FHIT: variants seen among roughly 807,000 people sequenced by gnomAD.
FHIT encodes bis(5'-adenosyl)-triphosphatase.
In FHIT, 19 loss-of-function variants were observed where a neutral mutation model predicts 17.9. That is an observed-to-expected ratio of 1.06 (90% CI 0.74 to 1.56). FHIT has a LOEUF of 1.56. Among genes scored for constraint, FHIT ranks in the 40% most tolerant of loss-of-function variants. FHIT has a pLI of 0.00. For synonymous variants in FHIT, 81 were observed against 69.7 expected (o/e 1.16, Z -0.81); for missense variants, 248 against 189.2 (o/e 1.31, Z -1.82).
At chr3:60,477,257 T>C (rs1467374068) in intron 5 of FHIT, among the ~76,000 whole-genome samples, 3 of 152,134 alleles carry the variant, frequency 2.0e-5, no homozygotes, top group African/African-American at 7.2e-5. Flanking sequence ...AATCTTTTTA[T>C]ACATAACCTT....
intron 4 of FHIT, among the ~76,000 whole-genome samples, chr3:60,673,950 T>A (rs2107847522): frequency 6.6e-6 from 1 of 152,302 alleles, no homozygotes; most frequent in Admixed American, 6.5e-5. Flanking sequence ...ATTTTTTCAC[T>A]ATATTTGGGA....
chr3:61,109,797 G>A (rs1218023551), intron 2 of FHIT, among the ~76,000 whole-genome samples: 1 of 152,144 alleles, frequency 6.6e-6, no homozygotes, highest in African/African-American at 2.4e-5. Context: ...CACAAATAAA[G>A]TGCTCAAAAA....
rs570769481 is a variant in FHIT at position 60,619,377 on chromosome 3, G to A, written c.-17-82398C>T. Among the ~76,000 whole-genome samples the A allele has an allele frequency of 3.2e-4, 49 of 152,218 alleles. 2 individuals are homozygous for A. In the South Asian group the frequency reaches 9.7e-3, roughly 30 times the overall value. On this transcript the variant is annotated intron_variant, in intron 4 of 9. Coordinates refer to ENST00000492590, the MANE Select transcript of FHIT (RefSeq NM_002012.4). Reference sequence around the variant, plus strand: ...TGGATATTAACAAACTGATTCTAAAGTGTACATGGAAAAGCAAAAGATTCA... The same window carrying A: ...TGGATATTAACAAACTGATTCTAAAATGTACATGGAAAAGCAAAAGATTCA...
intron 3 of FHIT, among the ~76,000 whole-genome samples, chr3:60,918,043 G>A (rs1034868363): frequency 2.0e-5 from 3 of 152,192 alleles, no homozygotes; most frequent in African/African-American, 7.2e-5. Flanking sequence ...TGAATCATGG[G>A]GGCACTTCCA....
intron 4 of FHIT, among the ~76,000 whole-genome samples, chr3:60,761,629 T>TC (rs1699661977): frequency 6.6e-6 from 1 of 151,616 alleles, no homozygotes; most frequent in South Asian, 2.1e-4. Flanking sequence ...TTTTTTTTTT[T>TC]TTTTTTTCAT....
At chr3:59,853,348 T>A (rs1366956364) in intron 8 of FHIT, among the ~76,000 whole-genome samples, 1 of 152,228 alleles carries the variant, frequency 6.6e-6, no homozygotes, top group East Asian at 1.9e-4. Context: ...CTGGCCATTG[T>A]AAGCTAGAGC....
At chr3:60,967,546 G>C (rs963710443) in intron 3 of FHIT, among the ~76,000 whole-genome samples, 2 of 152,208 alleles carry the variant, frequency 1.3e-5, no homozygotes, top group Non-Finnish European at 2.9e-5. Flanking sequence ...GGACAAAAGT[G>C]TCAATGGTTA....
intron 5 of FHIT, among the ~76,000 whole-genome samples, chr3:60,139,929 C>T (rs1021441613): frequency 5.9e-5 from 9 of 151,994 alleles, no homozygotes; most frequent in African/African-American, 1.9e-4. Flanking sequence ...CACGACCAGC[C>T]TGGCCAAGAT....
In FHIT at chr3:60,650,254, C is replaced by G. The variant is rs542483336; in HGVS notation, c.-17-113275G>C. 3.5e-4 allele frequency among the ~76,000 whole-genome samples: 53 copies of G among 152,310 alleles called. 1 individual carries two copies. The highest frequency in any genetic ancestry group is 1.2e-3 in the African/African-American group (49 of 41,568). ...AACATACTACAGAACACATGCCTCTCACTCAGTCATTTCTTTGTCTTAGTT... is the reference window on the plus strand; with the variant it reads ...AACATACTACAGAACACATGCCTCTGACTCAGTCATTTCTTTGTCTTAGTT... On this transcript the variant is annotated intron_variant, in intron 4 of 9. Transcript: ENST00000492590.
chr3:59,905,365 A>G (rs1704537882), intron 8 of FHIT, among the ~76,000 whole-genome samples: 2 of 152,222 alleles, frequency 1.3e-5, no homozygotes, highest in African/African-American at 2.4e-5. Context: ...TGGGGGTGAT[A>G]CCAGTAAGAC....
At position 60,861,194 on chromosome 3, in the gene FHIT, T is replaced by TGA. The variant is rs1559781630; in HGVS notation, c.-110-39184_-110-39183insTC. On this transcript the variant is annotated intron_variant, in intron 3 of 9. Coordinates refer to ENST00000492590, the MANE Select transcript of FHIT (RefSeq NM_002012.4). ...TGTTCTATGATATATATGATATATA[T>TGA]CATATATGATATATATGATATATAT... Among the ~76,000 whole-genome samples the TGA allele has an allele frequency of 3.8e-4, 7 of 18,212 alleles. 1 individual carries two copies. Among genetic ancestry groups the TGA allele is most frequent in the South Asian group, 2.2e-3 (1 of 446 alleles). 11.9% of individuals were successfully genotyped at this position (18,212 alleles called of 152,430 possible).
rs77649159 is a variant in FHIT at position 61,064,252 on chromosome 3, C to T, written c.-163-22153G>A. 9.1e-3 allele frequency among the ~76,000 whole-genome samples: 1,380 copies of T among 152,258 alleles called. 29 individuals are homozygous for T. The highest frequency in any genetic ancestry group is 0.031 in the African/African-American group (1,273 of 41,552). On this transcript the variant is annotated intron_variant, in intron 2 of 9. Coordinates refer to ENST00000492590, the MANE Select transcript of FHIT (RefSeq NM_002012.4). Reference sequence around the variant, plus strand: ...TGGAAAGAGAGAGAGAGGCCCACCACGAGATGGCCCTTTTTGCTCCCTTCC... The same window carrying T: ...TGGAAAGAGAGAGAGAGGCCCACCATGAGATGGCCCTTTTTGCTCCCTTCC...
chr3:60,285,951 T>TTA (rs772576566), intron 5 of FHIT, among the ~76,000 whole-genome samples: 9 of 152,180 alleles, frequency 5.9e-5, no homozygotes, highest in Non-Finnish European at 1.0e-4. Flanking sequence ...GGCTAGCCAC[T>TTA]CCACGTGATT....
chr3:60,132,967 A>G (rs1699657250), intron 5 of FHIT, among the ~76,000 whole-genome samples: 1 of 151,856 alleles, frequency 6.6e-6, no homozygotes, highest in Non-Finnish European at 1.5e-5. Flanking sequence ...CTGAAATAGC[A>G]TCTAAAAGCG....
At chr3:60,384,952 T>A (rs1051930699) in intron 5 of FHIT, among the ~76,000 whole-genome samples, 7 of 152,204 alleles carry the variant, frequency 4.6e-5, no homozygotes, top group East Asian at 1.9e-4. Context: ...TAAAATATGT[T>A]CATTTTGTTC....
At chr3:61,073,769 G>T (rs187756525) in intron 2 of FHIT, among the ~76,000 whole-genome samples, 1 of 152,104 alleles carries the variant, frequency 6.6e-6, no homozygotes, top group African/African-American at 2.4e-5. Context: ...GGCATTTCCA[G>T]TTAATGGCAT....
chr3:60,108,727 G>C (rs6788803), intron 5 of FHIT, among the ~76,000 whole-genome samples: 25,412 of 148,956 alleles, frequency 0.17, 2,671 homozygotes, highest in Non-Finnish European at 0.23. Context: ...CCAATGGCTT[G>C]ACCTCAGCTC....
chr3:60,370,294 A>G (rs1407420917), intron 5 of FHIT, among the ~76,000 whole-genome samples: 1 of 152,230 alleles, frequency 6.6e-6, no homozygotes, highest in Admixed American at 6.5e-5. Flanking sequence ...GTAAGAGCTG[A>G]CATAAAAACA....
chr3:59,824,331 G>A (rs1294597821), intron 8 of FHIT, among the ~76,000 whole-genome samples: 3 of 152,218 alleles, frequency 2.0e-5, no homozygotes, highest in Admixed American at 1.3e-4. Flanking sequence ...CTAATTAGAT[G>A]GTGAGGCAGA....
Sources: gnomAD v4.1 joint callset for allele counts (sites outside exome capture counted in the v4.1 genomes callset) on GRCh38, gnomAD v4.1.1 for gene constraint, MANE v1.5 for transcripts, NCBI Gene and HGNC (gene_info 2026-07-23, HGNC 2026-07-21) for gene names.